Variants in EDIL3 observed in about 807,000 individuals in gnomAD.
The protein encoded by EDIL3 is EGF like and discoidin domains 3.
A neutral mutation model predicts 67.4 loss-of-function variants in EDIL3; 37 were observed. The ratio of observed to expected loss-of-function variants is 0.55; its 90% CI spans 0.42 to 0.72. EDIL3 has a LOEUF of 0.72. EDIL3 is among the 30% of genes least tolerant of loss of function. The probability of loss-of-function intolerance (pLI) is 0.00; values close to 1 mark genes in which losing one functional copy is unlikely to be tolerated. For missense variants in EDIL3, 527 were observed against 586.3 expected, an observed-to-expected ratio of 0.90 and a Z score of 1.04; for synonymous variants, 195 against 196.3, an observed-to-expected ratio of 0.99 and a Z score of 0.05.
intron 9 of EDIL3, among the ~76,000 whole-genome samples, chr5:84,053,952 AT>A (rs1240658029): frequency 6.6e-6 from 1 of 152,208 alleles, no homozygotes; most frequent in Non-Finnish European, 1.5e-5. Context: ...TCCCTAACTC[AT>A]TTTATGAGGC....
intron 9 of EDIL3, among the ~76,000 whole-genome samples, chr5:84,027,085 A>T (rs1169520218): frequency 6.6e-6 from 1 of 152,092 alleles, no homozygotes; most frequent in Non-Finnish European, 1.5e-5. Flanking sequence ...GTGGGCTGAG[A>T]CCCTGTCTCA....
At chr5:84,378,841 A>G (rs544575586) in intron 1 of EDIL3, among the ~76,000 whole-genome samples, 3 of 152,134 alleles carry the variant, frequency 2.0e-5, no homozygotes, top group African/African-American at 7.2e-5. Context: ...TATGTTTTAA[A>G]CTTCAGGTTT....
chr5:84,099,600 C>T (rs1407350615), intron 6 of EDIL3, among the ~76,000 whole-genome samples: 2 of 61,630 alleles, frequency 3.2e-5, no homozygotes, highest in African/African-American at 8.2e-5. Context: ...AAGACTTAAA[C>T]ATAAGACCTT....
chr5:84,151,899 T>TTGC (rs1379606762), intron 4 of EDIL3, among the ~76,000 whole-genome samples: 1 of 151,162 alleles, frequency 6.6e-6, no homozygotes, highest in African/African-American at 2.5e-5. Flanking sequence ...CTAGTTCTCT[T>TTGC]TGCTGCTTCT....
intron 9 of EDIL3, among the ~76,000 whole-genome samples, chr5:84,020,306 C>T (rs1023722921): frequency 1.3e-5 from 2 of 151,788 alleles, no homozygotes; most frequent in Non-Finnish European, 2.9e-5. Flanking sequence ...TTATATTCAC[C>T]CAAAGGAAAT....
chr5:84,317,455 A>G (rs1474879844), intron 1 of EDIL3, among the ~76,000 whole-genome samples: 2 of 152,220 alleles, frequency 1.3e-5, no homozygotes, highest in Non-Finnish European at 2.9e-5. Flanking sequence ...CAGAAAGAAT[A>G]CTATAAACAC....
chr5:84,186,374 T>G (rs1743450579), intron 3 of EDIL3, among the ~76,000 whole-genome samples: 1 of 152,074 alleles, frequency 6.6e-6, no homozygotes, highest in African/African-American at 2.4e-5. Context: ...CATTAAGTAC[T>G]CCTTATGTGC....
chr5:84,245,502 T>C (rs574876128), intron 2 of EDIL3, among the ~76,000 whole-genome samples: 1 of 152,244 alleles, frequency 6.6e-6, no homozygotes, highest in South Asian at 2.1e-4. Flanking sequence ...GATACCATAG[T>C]TTATGGTGCA....
rs776650905 is a variant in EDIL3, at chr5:84,093,385, T to C, written c.651+13264A>G. On this transcript the variant is annotated intron_variant, in intron 6 of 10. Transcript: ENST00000296591. ...TATTTTAGTTACTATGATTTTGATA[T>C]ATAGTTGACCGAGTGGGATAAAAGG... Among the ~76,000 whole-genome samples, 5 of 152,104 alleles carry C rather than the reference T, an allele frequency of 3.3e-5. No homozygotes were observed. In the South Asian group the frequency reaches 8.3e-4, roughly 25 times the overall value.
At chr5:83,945,614 T>G (rs937805387) in intron 10 of EDIL3, among the ~76,000 whole-genome samples, 7 of 151,964 alleles carry the variant, frequency 4.6e-5, no homozygotes, top group Admixed American at 1.3e-4. Flanking sequence ...ATGCGAACTA[T>G]CAACCCAGAA....
intron 1 of EDIL3, among the ~76,000 whole-genome samples, chr5:84,373,369 T>C (rs961046456): frequency 6.6e-6 from 1 of 152,182 alleles, no homozygotes; most frequent in African/African-American, 2.4e-5. Context: ...CATACTCTCA[T>C]GTTTGTAATT....
chr5:84,373,299 G>A (rs892460221), intron 1 of EDIL3, among the ~76,000 whole-genome samples: 2 of 152,010 alleles, frequency 1.3e-5, no homozygotes, highest in African/African-American at 4.8e-5. Flanking sequence ...TGGCCATTCG[G>A]TGCCAATTTT....
intron 8 of EDIL3, among the ~76,000 whole-genome samples, chr5:84,063,795 G>A (rs556872592): frequency 4.0e-5 from 6 of 151,780 alleles, no homozygotes; most frequent in Non-Finnish European, 7.4e-5. Flanking sequence ...CTCACTTCAG[G>A]GTTACACTAA....
At chr5:84,117,020 A>ATTTTTTTTTTTTTTTTTT (rs34997139) in intron 5 of EDIL3, among the ~76,000 whole-genome samples, 1 of 83,236 alleles carries the variant, frequency 1.2e-5, no homozygotes, top group Non-Finnish European at 2.2e-5. Flanking sequence ...TTAAGTACTT[A>ATTTTTTTTTTTTTTTTTT]TTTTTTTTTT....
chr5:84,271,416 CAAATAAATAAATAAATAAAT>C (rs70975550), intron 1 of EDIL3, among the ~76,000 whole-genome samples: 19 of 140,942 alleles, frequency 1.3e-4, no homozygotes, highest in South Asian at 2.3e-4. Flanking sequence ...TCTGTCTCTA[CAAATAAATAAATAAATAAAT>C]AAATAAATAA....
intron 1 of EDIL3, among the ~76,000 whole-genome samples, chr5:84,372,329 C>T (rs1275331543): frequency 6.6e-6 from 1 of 151,998 alleles, no homozygotes; most frequent in African/African-American, 2.4e-5. Context: ...TGAGGAAAAA[C>T]AAGAACTTTG....
chr5:84,028,465 T>C (rs1310393420), intron 9 of EDIL3, among the ~76,000 whole-genome samples: 1 of 152,166 alleles, frequency 6.6e-6, no homozygotes, highest in South Asian at 2.1e-4. Context: ...GATTCTACCA[T>C]ACGTTAGTCA....
At chr5:84,193,191 C>A (rs573791173) in intron 3 of EDIL3, among the ~76,000 whole-genome samples, 1 of 151,860 alleles carries the variant, frequency 6.6e-6, no homozygotes, top group Non-Finnish European at 1.5e-5. Flanking sequence ...ATGGAGAATA[C>A]TTTGAAAGGA....
chr5:83,999,805 C>T (rs1163432346), intron 9 of EDIL3, among the ~76,000 whole-genome samples: 1 of 151,720 alleles, frequency 6.6e-6, no homozygotes, highest in African/African-American at 2.4e-5. Context: ...TATAGAACAC[C>T]AAACAGATTG....
Sources: allele counts gnomAD v4.1 joint callset (sites outside exome capture counted in the v4.1 genomes callset), GRCh38; gene constraint gnomAD v4.1.1; transcripts MANE v1.5; gene names NCBI Gene and HGNC (gene_info 2026-07-23, HGNC 2026-07-21).